ESRRG: variants seen among roughly 807,000 people sequenced by gnomAD.
The protein encoded by ESRRG is estrogen related receptor gamma, also known as estrogen-related receptor gamma.
ESRRG carries 13 observed loss-of-function variants against 44.0 expected under a neutral mutation model. The observed-to-expected ratio is 0.30, with a 90% CI of 0.19 to 0.47. ESRRG has a LOEUF of 0.47. ESRRG is among the 20% of genes least tolerant of loss of function. The pLI is 1.00. For missense variants in ESRRG, 395 were observed against 580.6 expected, an observed-to-expected ratio of 0.68 and a Z score of 3.29; for synonymous variants, 215 against 214.6, an observed-to-expected ratio of 1.00 and a Z score of -0.02.
rs2040874483 is a variant in ESRRG, at chr1:216,504,479, C to T, written c.*2460G>A. ...CTACAGTCACTTCTCTACTGAGAAA[C>T]CACAATCTACAATATAGTCCCATAT... On this transcript the variant is annotated 3_prime_UTR_variant, in exon 7 of 7. Coordinates refer to ENST00000408911, the MANE Select transcript of ESRRG (RefSeq NM_001438.4). 6.6e-6 allele frequency: 1 copy of T among 152,508 alleles called. No homozygotes were observed. Among genetic ancestry groups the T allele is most frequent in the South Asian group, 2.1e-4 (1 of 4,812 alleles). The allele number at this position is 152,508 out of a possible 1,614,324, so 9.4% of individuals were successfully genotyped here.
intron 2 of ESRRG, among the ~76,000 whole-genome samples, chr1:216,854,724 T>C (rs1313994200): frequency 1.3e-5 from 2 of 152,164 alleles, no homozygotes; most frequent in African/African-American, 2.4e-5. Context: ...TGCAAAAAAG[T>C]AGCTCACTTT....
intron 3 of ESRRG, among the ~76,000 whole-genome samples, chr1:216,573,461 T>A (rs1282410635): frequency 6.6e-6 from 1 of 151,988 alleles, no homozygotes; most frequent in Non-Finnish European, 1.5e-5. Context: ...ATGGTTATTA[T>A]ACGAATGTAC....
intron 2 of ESRRG, among the ~76,000 whole-genome samples, chr1:216,778,775 CT>C (rs1297388139): frequency 9.1e-4 from 138 of 151,930 alleles, no homozygotes; most frequent in African/African-American, 3.3e-3. Flanking sequence ...GGGATTCAAC[CT>C]ATGTGGAAGA....
chr1:216,570,597 A>T lies in ESRRG; in HGVS notation c.590-2499T>A. On this transcript the variant is annotated intron_variant, in intron 3 of 6. Transcript: ENST00000408911. Reference sequence around the variant, plus strand: ...CTCTTTCATTATAAGAATTTTGAAAATTAAAAATCTTAGTAGAAAATCAAA... The same window carrying T: ...CTCTTTCATTATAAGAATTTTGAAATTTAAAAATCTTAGTAGAAAATCAAA... Among the ~76,000 whole-genome samples, 3 of 152,280 alleles carry T rather than the reference A, an allele frequency of 2.0e-5. No homozygotes were observed. The Middle Eastern group carries it at 0.01, about 518-fold the overall frequency.
At chr1:217,067,443 GCTTGACA>G (rs1483018635) in intron 1 of ESRRG, among the ~76,000 whole-genome samples, 1 of 152,186 alleles carries the variant, frequency 6.6e-6, no homozygotes, top group Non-Finnish European at 1.5e-5. Context: ...ATAACTAATA[GCTTGACA>G]CTCTAAAAGT....
chr1:217,103,278 G>A lies in ESRRG; in HGVS notation c.-230+34389C>T, dbSNP rs76093416. Reference sequence around the variant, plus strand: ...GGTACTGCTGGAAGATGAAGTGTGAGGCAGAGAGTGAGGAGAAAGAGGGTT... The same window carrying A: ...GGTACTGCTGGAAGATGAAGTGTGAAGCAGAGAGTGAGGAGAAAGAGGGTT... On this transcript the variant is annotated intron_variant, in intron 1 of 8. Coordinates refer to the ESRRG transcript ENST00000366940. Among the ~76,000 whole-genome samples the A allele has an allele frequency of 5.6e-3, 858 of 152,136 alleles. 15 individuals are homozygous for A. The highest frequency in any genetic ancestry group is 0.019 in the African/African-American group (794 of 41,502).
chr1:216,638,416 G>T, intron 3 of ESRRG, among the ~76,000 whole-genome samples: 1 of 152,124 alleles, frequency 6.6e-6, no homozygotes, highest in East Asian at 1.9e-4. Context: ...CCATGTGGGG[G>T]CTACTTAATT....
At position 216,679,680 on chromosome 1, in the gene ESRRG, C is replaced by T. The variant is rs957768792; in HGVS notation, c.57-2189G>A. On this transcript the variant is annotated intron_variant, in intron 1 of 6. Transcript: ENST00000408911. ...GGAGAGTTGCTTGGGGCTGCTTGAT[C>T]TTCAGACCCTCTTTTTAAATTTTTT... 2.4e-5 allele frequency among the ~76,000 whole-genome samples: 3 copies of T among 127,170 alleles called. No individual in the cohort carries two copies. In the Admixed American group the frequency reaches 2.5e-4, roughly 10 times the overall value. 83.4% of individuals were successfully genotyped at this position (127,170 alleles called of 152,430 possible).
intron 1 of ESRRG, among the ~76,000 whole-genome samples, chr1:217,102,517 G>A (rs948910725): frequency 6.6e-6 from 1 of 152,146 alleles, no homozygotes; most frequent in African/African-American, 2.4e-5. Flanking sequence ...TCTCCATTGC[G>A]TACTGCCTGG....
chr1:217,025,122 G>A (rs551808902), intron 1 of ESRRG, among the ~76,000 whole-genome samples: 16 of 152,246 alleles, frequency 1.1e-4, no homozygotes, highest in African/African-American at 3.9e-4. Context: ...AAACAGCTGT[G>A]CTCGATAAGT....
Position 217,067,376 on chromosome 1 carries a change from C to T in ESRRG, c.-106+22131G>A, listed in dbSNP as rs188654972. 4.0e-5 allele frequency among the ~76,000 whole-genome samples: 6 copies of T among 150,826 alleles called. No homozygotes were observed. The East Asian group carries it at 1.2e-3, about 30-fold the overall frequency. The stretch of plus-strand genomic sequence containing the variant: ...AACAACACTAAGGTAAACCAAAGAC[C>T]ATTTTGCTTATAAGCATGTATCCTT... On this transcript the variant is annotated intron_variant, in intron 1 of 7. Coordinates refer to the ESRRG transcript ENST00000359162.
At chr1:216,998,802 A>G (rs1271354807) in intron 1 of ESRRG, among the ~76,000 whole-genome samples, 1 of 152,254 alleles carries the variant, frequency 6.6e-6, no homozygotes, top group Non-Finnish European at 1.5e-5. Context: ...AACACATTTC[A>G]ACAAATTTAT....
At chr1:216,750,939 A>G (rs916009169) in intron 2 of ESRRG, among the ~76,000 whole-genome samples, 5 of 152,160 alleles carry the variant, frequency 3.3e-5, no homozygotes, top group Admixed American at 1.3e-4. Context: ...AAAATCACCT[A>G]ATCAGAAAAC....
intron 1 of ESRRG, among the ~76,000 whole-genome samples, chr1:217,033,735 T>C (rs1029767197): frequency 3.0e-4 from 45 of 152,330 alleles, no homozygotes; most frequent in African/African-American, 1.1e-3. Flanking sequence ...TAGCTTAATT[T>C]GACCTAGTAA....
At chr1:216,989,902 G>A (rs2150499658) in intron 1 of ESRRG, among the ~76,000 whole-genome samples, 1 of 152,272 alleles carries the variant, frequency 6.6e-6, no homozygotes, top group East Asian at 1.9e-4. Context: ...TCTAAAATGA[G>A]TGGCTTGGCT....
chr1:216,839,954 C>A (rs569835755), intron 2 of ESRRG, among the ~76,000 whole-genome samples: 1 of 152,152 alleles, frequency 6.6e-6, no homozygotes, highest in South Asian at 2.1e-4. Context: ...TTCTTAGGAG[C>A]CCTAGCATTT....
At chr1:216,861,724 C>T (rs939357526) in intron 2 of ESRRG, among the ~76,000 whole-genome samples, 1 of 151,980 alleles carries the variant, frequency 6.6e-6, no homozygotes, top group Non-Finnish European at 1.5e-5. Context: ...AATGTATACT[C>T]TTTAAAAGAC....
intron 1 of ESRRG, among the ~76,000 whole-genome samples, chr1:216,985,294 C>T (rs1156807156): frequency 6.6e-6 from 1 of 152,148 alleles, no homozygotes; most frequent in Non-Finnish European, 1.5e-5. Context: ...AATTCTTTAG[C>T]CAGAAGATGT....
At chr1:216,545,397 C>T (rs1450134888) in intron 5 of ESRRG, among the ~76,000 whole-genome samples, 1 of 151,784 alleles carries the variant, frequency 6.6e-6, no homozygotes, top group African/African-American at 2.4e-5. Flanking sequence ...TTAAACAATT[C>T]ATTGTCAAGC....
Sources: allele counts gnomAD v4.1 joint callset (sites outside exome capture counted in the v4.1 genomes callset), GRCh38; gene constraint gnomAD v4.1.1; transcripts MANE v1.5; gene names NCBI Gene and HGNC (gene_info 2026-07-23, HGNC 2026-07-21).